The following CORO2B variants were observed in gnomAD, a reference collection of about 807,000 sequenced individuals.
The protein encoded by CORO2B is coronin-2B.
Under a neutral mutation model 58.8 loss-of-function variants are expected in CORO2B, and 26 were observed. The observed-to-expected ratio is 0.44, with a 90% CI of 0.32 to 0.61. The LOEUF (loss-of-function observed/expected upper bound fraction) is 0.61. Ranked by LOEUF, CORO2B falls within the 20% of genes least tolerant of loss-of-function variation. The pLI is 0.04. For missense variants in CORO2B, 460 were observed against 645.1 expected (o/e 0.71, Z 3.11); for synonymous variants, 242 against 253.8 (o/e 0.95, Z 0.44).
the CORO2B span, among the ~76,000 whole-genome samples, chr15:68,523,243 G>A: frequency 3.0e-3 from 461 of 151,930 alleles, 3 homozygotes; most frequent in African/African-American, 0.011. Context: ...CAGGCTGGAT[G>A]GAGTGGAATG....
intron 1 of CORO2B, among the ~76,000 whole-genome samples, chr15:68,641,746 A>G (rs1419703562): frequency 6.6e-6 from 1 of 151,924 alleles, no homozygotes; most frequent in Non-Finnish European, 1.5e-5. Context: ...TTTTTTTGAG[A>G]CAGAGTTCGG....
chr15:68,633,079 T>C (rs1900898003), intron 1 of CORO2B, among the ~76,000 whole-genome samples: 2 of 152,214 alleles, frequency 1.3e-5, no homozygotes, highest in Non-Finnish European at 2.9e-5. Context: ...GTAGCCCACA[T>C]TTAAACCCTT....
intron 1 of CORO2B, among the ~76,000 whole-genome samples, chr15:68,583,665 C>T (rs1443366021): frequency 2.0e-5 from 3 of 152,140 alleles, no homozygotes; most frequent in East Asian, 3.9e-4. Context: ...AGTCAGATGG[C>T]GAGGGGGATT....
the CORO2B span, among the ~76,000 whole-genome samples, chr15:68,554,499 G>A: frequency 6.6e-6 from 1 of 152,072 alleles, no homozygotes; most frequent in Non-Finnish European, 1.5e-5. Flanking sequence ...CCTTCCTTTT[G>A]CAGAACTAGT....
chr15:68,564,307 CT>C, the CORO2B span, among the ~76,000 whole-genome samples: 5,534 of 142,038 alleles, frequency 0.039, 125 homozygotes, highest in Middle Eastern at 0.089. Flanking sequence ...GCAGTGAAAT[CT>C]TTTTTTTTTT....
At chr15:68,601,966 T>TGGCGGAA (rs1478141432) in intron 1 of CORO2B, among the ~76,000 whole-genome samples, 6 of 151,070 alleles carry the variant, frequency 4.0e-5, no homozygotes, top group South Asian at 2.1e-4. Flanking sequence ...TGTCCCAGCA[T>TGGCGGAA]GGCGGAAGGC....
intron 2 of CORO2B, among the ~76,000 whole-genome samples, chr15:68,661,566 T>C (rs1317125191): frequency 6.6e-6 from 1 of 152,236 alleles, no homozygotes; most frequent in Non-Finnish European, 1.5e-5. Flanking sequence ...AGGGTAGTCC[T>C]GATCATAAAC....
intron 1 of CORO2B, among the ~76,000 whole-genome samples, chr15:68,601,346 C>T (rs1454657649): frequency 6.6e-6 from 1 of 152,224 alleles, no homozygotes; most frequent in African/African-American, 2.4e-5. Flanking sequence ...GAGGGTTCCA[C>T]CCGTCCCTGG....
chr15:68,560,058 C>A, the CORO2B span, among the ~76,000 whole-genome samples: 1 of 152,108 alleles, frequency 6.6e-6, no homozygotes, highest in African/African-American at 2.4e-5. Context: ...TGGAGACTGC[C>A]GATTTGAAGA....
the CORO2B span, among the ~76,000 whole-genome samples, chr15:68,563,345 C>T: frequency 6.6e-6 from 1 of 151,990 alleles, no homozygotes. Flanking sequence ...CAAAAATTAG[C>T]TGGGCGTATT....
chr15:68,616,919 C>T (rs1900374991), intron 1 of CORO2B, among the ~76,000 whole-genome samples: 1 of 152,146 alleles, frequency 6.6e-6, no homozygotes, highest in African/African-American at 2.4e-5. Flanking sequence ...GAGGATAAAA[C>T]AAAGGGTTTC....
At chr15:68,541,091 G>A in the CORO2B span, among the ~76,000 whole-genome samples, 1 of 152,040 alleles carries the variant, frequency 6.6e-6, no homozygotes, top group Non-Finnish European at 1.5e-5. Context: ...AGTTAGCCAG[G>A]TGTTGTGGTA....
At chr15:68,539,170 G>A in the CORO2B span, among the ~76,000 whole-genome samples, 1 of 152,180 alleles carries the variant, frequency 6.6e-6, no homozygotes, top group African/African-American at 2.4e-5. Context: ...ACAAGCTGCA[G>A]GAGCCTGCTG....
At chr15:68,526,968 G>A in the CORO2B span, among the ~76,000 whole-genome samples, 2,001 of 152,248 alleles carry the variant, frequency 0.013, 21 homozygotes, top group South Asian at 0.039. Context: ...TCATACAATA[G>A]GATTGATTTC....
Position 68,579,030 on chromosome 15 carries a change from C to A in CORO2B, c.-233C>A. ...CCTTCCTGCGGCGAAGGAGGCTCAT[C>A]TATTATAAATGCACATTCGGGGCTG... is the stretch of plus-strand genomic sequence containing the variant. On this transcript the variant is annotated 5_prime_UTR_variant, in exon 1 of 12. Transcript: ENST00000261861. 1 of 984,684 alleles carries A rather than the reference C, an allele frequency of 1.0e-6. No individual in the cohort carries two copies. The highest frequency in any genetic ancestry group is 1.2e-6 in the Non-Finnish European group (1 of 829,754). The allele number at this position is 984,684 out of a possible 1,614,324, so 61.0% of individuals were successfully genotyped here.
At chr15:68,678,684 AAAG>A (rs1252087320) in intron 2 of CORO2B, among the ~76,000 whole-genome samples, 1 of 152,120 alleles carries the variant, frequency 6.6e-6, no homozygotes, top group East Asian at 1.9e-4. Context: ...AAAAAAGAAA[AAAG>A]AAAACAAAAG....
Position 68,655,476 on chromosome 15 carries a change from C to T in CORO2B, c.216+10116C>T, listed in dbSNP as rs73425142. ...GACCCCAGGGATCATAGATTCCAAG[C>T]GCCTTGTTGTGCCCACGACAAGTCC... On this transcript the variant is annotated intron_variant, in intron 2 of 11. Coordinates refer to ENST00000261861, the MANE Select transcript of CORO2B (RefSeq NM_006091.5). Among the ~76,000 whole-genome samples, 1,029 of 152,242 alleles carry T rather than the reference C, an allele frequency of 6.8e-3. 10 individuals are homozygous for T. Among genetic ancestry groups the T allele is most frequent in the African/African-American group, 0.024 (995 of 41,520 alleles).
At chr15:68,700,204 T>G (rs74020280) in intron 3 of CORO2B, among the ~76,000 whole-genome samples, 4,780 of 152,096 alleles carry the variant, frequency 0.031, 230 homozygotes, top group African/African-American at 0.1. Flanking sequence ...GACCCAGGCT[T>G]GGGAGGTCAG....
chr15:68,678,192 C>T (rs190256241), intron 2 of CORO2B, among the ~76,000 whole-genome samples: 2 of 152,224 alleles, frequency 1.3e-5, no homozygotes, highest in Admixed American at 6.5e-5. Context: ...ACCTTTCCCA[C>T]TGAGTCTGGG....
Sources: allele counts gnomAD v4.1 joint callset (sites outside exome capture counted in the v4.1 genomes callset), GRCh38; gene constraint gnomAD v4.1.1; transcripts MANE v1.5; gene names NCBI Gene and HGNC (gene_info 2026-07-23, HGNC 2026-07-21).